The following AKAP13 variants were observed in gnomAD, a reference collection of about 807,000 sequenced individuals.
AKAP13 encodes the protein A-kinase anchoring protein 13.
In AKAP13, 80 loss-of-function variants were observed where a neutral mutation model predicts 264.5. The ratio of observed to expected loss-of-function variants is 0.30; its 90% CI spans 0.25 to 0.36. The LOEUF is 0.36. Among genes scored for constraint, AKAP13 ranks in the 10% least tolerant of loss-of-function variants. The pLI, the probability that AKAP13 is intolerant of heterozygous loss-of-function variation, is 1.00. For missense variants in AKAP13, 3,712 were observed against 3,435.2 expected (o/e 1.08, Z -2.01); for synonymous variants, 1,380 against 1,250.2 (o/e 1.10, Z -2.19).
intron 19 of AKAP13, among the ~76,000 whole-genome samples, chr15:85,712,436 A>T (rs2086680272): frequency 1.3e-5 from 2 of 152,184 alleles, no homozygotes; most frequent in South Asian, 2.1e-4. Context: ...TTGTGACATT[A>T]TCTGTTGTTT....
chr15:85,490,266 A>G (rs965660692), intron 2 of AKAP13, among the ~76,000 whole-genome samples: 7 of 152,246 alleles, frequency 4.6e-5, no homozygotes, highest in African/African-American at 9.6e-5. Context: ...AAAGAGAACC[A>G]TGAATGACAG....
At chr15:85,392,750 G>A (rs1483521363) in intron 1 of AKAP13, among the ~76,000 whole-genome samples, 1 of 152,070 alleles carries the variant, frequency 6.6e-6, no homozygotes, top group East Asian at 1.9e-4. Context: ...TGGAAAAATT[G>A]TTAGCACATA....
At chr15:85,568,021 G>A (rs11858229) in intron 5 of AKAP13, among the ~76,000 whole-genome samples, 11,645 of 151,250 alleles carry the variant, frequency 0.077, 477 homozygotes, top group African/African-American at 0.088. Context: ...AGTGGCTCAC[G>A]CCTGTAATCC....
rs560942803 is a variant in AKAP13, at chr15:85,514,753, T to C, written c.34-6675T>C. Among the ~76,000 whole-genome samples, 14 of 137,814 alleles carry C rather than the reference T, an allele frequency of 1.0e-4. 4 individuals are homozygous for C. In the East Asian group the frequency reaches 2.9e-3, roughly 28 times the overall value. 90.4% of individuals were successfully genotyped at this position (137,814 alleles called of 152,430 possible). A position where few individuals can be genotyped will look rare whatever the true frequency, so the allele number is the denominator to read the frequency against. On this transcript the variant is annotated intron_variant, in intron 2 of 36. Coordinates refer to ENST00000394518, the MANE Select transcript of AKAP13 (RefSeq NM_007200.5). ...TTTAGCAGAGTAACTGGGCAAAGTG[T>C]TATCAATTGCCTATCAATTGTATGT...
At chr15:85,523,582 TTTATC>T (rs2076910329) in intron 3 of AKAP13, among the ~76,000 whole-genome samples, 1 of 152,214 alleles carries the variant, frequency 6.6e-6, no homozygotes, top group Non-Finnish European at 1.5e-5. Flanking sequence ...ATTTTACTTA[TTTATC>T]TTATTTATTT....
chr15:85,453,700 A>G (rs766551165), intron 1 of AKAP13, among the ~76,000 whole-genome samples: 1 of 152,002 alleles, frequency 6.6e-6, no homozygotes, highest in Non-Finnish European at 1.5e-5. Context: ...AGACACTCTG[A>G]AGCTCTAAGG....
chr15:85,650,780 AAAAAAAAAAACAAC>A (rs1567175453), intron 10 of AKAP13, among the ~76,000 whole-genome samples: 3 of 145,798 alleles, frequency 2.1e-5, no homozygotes, highest in Non-Finnish European at 4.6e-5. Flanking sequence ...AAAAAAAAAA[AAAAAAAAAAACAAC>A]AAAAACTGCA....
At chr15:85,414,466 A>G (rs1423135595) in intron 1 of AKAP13, among the ~76,000 whole-genome samples, 1 of 152,222 alleles carries the variant, frequency 6.6e-6, no homozygotes, top group East Asian at 1.9e-4. Context: ...ATAATTAACA[A>G]GGTTTCTATA....
chr15:85,691,484 C>T (rs770272538), intron 16 of AKAP13, among the ~76,000 whole-genome samples: 1 of 152,164 alleles, frequency 6.6e-6, no homozygotes, highest in African/African-American at 2.4e-5. Context: ...AATTCCTTTC[C>T]GTTCCTCTTC....
intron 12 of AKAP13, among the ~76,000 whole-genome samples, chr15:85,661,331 A>G (rs574549679): frequency 6.6e-6 from 1 of 152,314 alleles, no homozygotes; most frequent in Non-Finnish European, 1.5e-5. Flanking sequence ...AGATGATCAG[A>G]TGGATTTTTT....
chr15:85,613,713 T>TATATGTATGTATATATATATATATATA (rs1254657975), intron 8 of AKAP13, among the ~76,000 whole-genome samples: 1 of 110,988 alleles, frequency 9.0e-6, no homozygotes, highest in Admixed American at 8.1e-5. Flanking sequence ...TATATATATA[T>TATATGTATGTATATATATATATATATA]TAGGAGTGCT....
chr15:85,747,987 T>C lies in AKAP13; in HGVS notation c.*3310T>C, dbSNP rs1481155405. On this transcript the variant is annotated 3_prime_UTR_variant, in exon 37 of 37. Coordinates refer to ENST00000394518, the MANE Select transcript of AKAP13 (RefSeq NM_007200.5). Reference sequence around the variant, plus strand: ...ATGTGGGAGGGGAGGTGTTAGTGCATGCAAGGGTTGAACTAGATAGACCCT... The same window carrying C: ...ATGTGGGAGGGGAGGTGTTAGTGCACGCAAGGGTTGAACTAGATAGACCCT... 2.0e-5 allele frequency: 3 copies of C among 152,540 alleles called. No individual in the cohort carries two copies. The highest frequency in any genetic ancestry group is 3.9e-4 in the East Asian group (2 of 5,194). The allele number at this position is 152,540 out of a possible 1,614,324, so 9.4% of individuals were successfully genotyped here.
chr15:85,726,476 T>C lies in AKAP13; in HGVS notation c.6812T>C (p.Phe2271Ser), dbSNP rs148228330. 6.2e-7 allele frequency: 1 copy of C among 1,612,026 alleles called. No homozygotes were observed. Among genetic ancestry groups the C allele is most frequent in the African/African-American group, 1.3e-5 (1 of 74,890 alleles). ...FLQEKDQKYI[F>S]ASLDQKSTVI... ...CAAGAAAAAGACCAGAAGTACATCT[T>C]TGCATCATTGGTAAGCTGAATTGTT... Residue 2271 changes from phenylalanine to serine, a missense_variant, in exon 27 of 37, where the codon TTT (phenylalanine) becomes TCT (serine). Coordinates refer to ENST00000394518, the MANE Select transcript of AKAP13 (RefSeq NM_007200.5).
At chr15:85,420,753 A>G (rs2072483219) in intron 1 of AKAP13, among the ~76,000 whole-genome samples, 1 of 152,196 alleles carries the variant, frequency 6.6e-6, no homozygotes, top group Admixed American at 6.5e-5. Flanking sequence ...ATATTGAAAG[A>G]GAATTTCCCC....
Position 85,727,277 on chromosome 15 carries a change from C to G in AKAP13, c.7004+30C>G. Reference sequence around the variant, plus strand: ...GTTAACCACCAGGCCCCACCCTTCCCAGCCCTCCTGATGTCTCTGTGTGAT... The same window carrying G: ...GTTAACCACCAGGCCCCACCCTTCCGAGCCCTCCTGATGTCTCTGTGTGAT... On this transcript the variant is annotated intron_variant, in intron 28 of 36. Coordinates refer to ENST00000394518, the MANE Select transcript of AKAP13 (RefSeq NM_007200.5). The surrounding 1 kb of genome is among the most constrained non-coding windows in gnomAD (Gnocchi z 5.3). 1.2e-6 allele frequency: 2 copies of G among 1,613,666 alleles called. No homozygotes were observed. Among genetic ancestry groups the G allele is most frequent in the Non-Finnish European group, 1.7e-6 (2 of 1,179,694 alleles).
In AKAP13 at chr15:85,718,056, T is replaced by C; in HGVS notation, c.5898T>C (p.Ile1966=). 1 of 1,614,160 alleles carries C rather than the reference T, an allele frequency of 6.2e-7. No individual in the cohort carries two copies. Among genetic ancestry groups the C allele is most frequent in the South Asian group, 1.1e-5 (1 of 91,086 alleles). Reference sequence around the variant, plus strand: ...GACAACTACTGGGAGACTTTGAGATTGAGTCCAAACAGCTGGAAGCAGAGT... The same window carrying C: ...GACAACTACTGGGAGACTTTGAGATCGAGTCCAAACAGCTGGAAGCAGAGT... ...NEGQLLGDFE[I]ESKQLEAESW... is the part of the protein sequence containing the mutation. Residue 1966 remains isoleucine (I), a synonymous_variant, in exon 22 of 37, where the codon ATT becomes ATC. Coordinates refer to ENST00000394518, the MANE Select transcript of AKAP13 (RefSeq NM_007200.5). This position sits in a 1 kb window ranked among gnomAD's most constrained non-coding sequence, Gnocchi z 4.9.
rs116167435 is a variant in AKAP13, at chr15:85,412,497, A to G, written c.-12+31699A>G. The stretch of plus-strand genomic sequence containing the variant: ...TTATTTTTGTTTTGTTTTGGAAAAC[A>G]TAGTTATTTTTCATAAAAGTATGTT... On this transcript the variant is annotated intron_variant, in intron 1 of 36. Coordinates refer to ENST00000394518, the MANE Select transcript of AKAP13 (RefSeq NM_007200.5). 1.3e-3 allele frequency among the ~76,000 whole-genome samples: 195 copies of G among 152,366 alleles called. 1 individual carries two copies. Among genetic ancestry groups the G allele is most frequent in the African/African-American group, 4.5e-3 (188 of 41,584 alleles).
chr15:85,696,261 C>T (rs62022926), intron 17 of AKAP13, among the ~76,000 whole-genome samples: 21,891 of 152,108 alleles, frequency 0.14, 2,114 homozygotes, highest in Non-Finnish European at 0.22. Flanking sequence ...TCCATAAGCC[C>T]ACTTTATTGG....
intron 8 of AKAP13, among the ~76,000 whole-genome samples, chr15:85,620,354 C>T (rs1422219237): frequency 6.6e-6 from 1 of 152,152 alleles, no homozygotes; most frequent in Non-Finnish European, 1.5e-5. Flanking sequence ...GCAATAGGTG[C>T]TTGGTAATCA....
Sources: allele counts gnomAD v4.1 joint callset (sites outside exome capture counted in the v4.1 genomes callset), GRCh38; gene constraint gnomAD v4.1.1; non-coding constraint Gnocchi (gnomAD v3.1); transcripts MANE v1.5; gene names NCBI Gene and HGNC (gene_info 2026-07-23, HGNC 2026-07-21).